INTS10: variants seen among roughly 807,000 people sequenced by gnomAD.
The protein encoded by INTS10 is integrator complex subunit 10, also known as chromosome 8 open reading frame 35.
In INTS10, 44 loss-of-function variants were observed where a neutral mutation model predicts 94.4. The observed-to-expected ratio is 0.47, with a 90% CI of 0.37 to 0.60. The LOEUF (loss-of-function observed/expected upper bound fraction) is 0.60, where lower values mean the gene tolerates loss of function less well. Among genes scored for constraint, INTS10 ranks in the 20% least tolerant of loss-of-function variants. The pLI, the probability that INTS10 is intolerant of heterozygous loss-of-function variation, is 0.00. For missense variants in INTS10, 797 were observed against 868.7 expected (o/e 0.92, Z 1.04); for synonymous variants, 341 against 320.7 (o/e 1.06, Z -0.68).
In INTS10 at chr8:19,820,475, T is replaced by C. The variant is rs1164171677; in HGVS notation, c.398T>C (p.Leu133Pro). The C allele has an allele frequency of 6.2e-7, 1 of 1,612,826 alleles. No individual in the cohort carries two copies. Among genetic ancestry groups the C allele is most frequent in the South Asian group, 1.1e-5 (1 of 90,984 alleles). Residue 133 changes from leucine (L) to proline (P), a missense_variant, in exon 4 of 17, where the codon CTT (leucine) becomes CCT (proline). By Grantham distance (98) the Leu-to-Pro change is moderately conservative (BLOSUM62 -3). This residue lies in a region of INTS10 where 734 missense variants were observed against 787.8 expected (regional missense o/e 0.93). Coordinates refer to ENST00000397977, the MANE Select transcript of INTS10 (RefSeq NM_018142.4). ...FNTLERSEMLLLLLRRFPETV... is the reference protein window; with the variant it reads ...FNTLERSEMLPLLLRRFPETV... Reference sequence around the variant, plus strand: ...ACGTTAGAACGATCAGAAATGTTGCTTCTACTTTTGAGGCGCTTCCCTGAA... The same window carrying C: ...ACGTTAGAACGATCAGAAATGTTGCCTCTACTTTTGAGGCGCTTCCCTGAA...
In INTS10 at chr8:19,823,979, G is replaced by A; in HGVS notation, c.771G>A (p.Glu257=). The change falls in exon 7 of 17, where the codon GAG becomes GAA. Residue 257 remains glutamate, a synonymous_variant. Coordinates refer to ENST00000397977, the MANE Select transcript of INTS10 (RefSeq NM_018142.4). ...CATCCCAGATCGTGGACCCTTGGGA[G>A]AGGTTGTTTAAGATTTTGAATGTTG... ...EKSSQIVDPW[E]RLFKILNVVG... 1 of 1,613,764 alleles carries A rather than the reference G, an allele frequency of 6.2e-7. No individual in the cohort carries two copies. Among genetic ancestry groups the A allele is most frequent in the South Asian group, 1.1e-5 (1 of 91,028 alleles).
At position 19,832,127 on chromosome 8, in the gene INTS10, A is replaced by G. The variant is rs778088283; in HGVS notation, c.1377+17A>G. On this transcript the variant is annotated intron_variant, in intron 11 of 16. Transcript: ENST00000397977. ...ATCTATCAGGTAGAGTATTATACAT[A>G]TTTTAGGTACCTGTGTCTGTACAGC... The G allele has an allele frequency of 7.6e-7, 1 of 1,314,888 alleles. No individual in the cohort carries two copies. Among genetic ancestry groups the G allele is most frequent in the South Asian group, 1.2e-5 (1 of 85,046 alleles). 81.5% of individuals were successfully genotyped at this position (1,314,888 alleles called of 1,614,324 possible).
chr8:19,822,217 A>G, intron 4 of INTS10: 1 of 340,098 alleles, frequency 2.9e-6, no homozygotes, highest in Non-Finnish European at 5.3e-6. Flanking sequence ...TATGAAGAGA[A>G]TAACCAAGAC....
chr8:19,835,199 C>T (rs2067554685), intron 12 of INTS10, among the ~76,000 whole-genome samples: 5 of 152,168 alleles, frequency 3.3e-5, no homozygotes, highest in Admixed American at 3.3e-4. Flanking sequence ...TTTCTATTGT[C>T]ACCACCCTAA....
At chr8:19,844,505 T>G (rs1250150945) in intron 15 of INTS10, among the ~76,000 whole-genome samples, 2 of 152,180 alleles carry the variant, frequency 1.3e-5, no homozygotes, top group African/African-American at 4.8e-5. Context: ...ATGCCTCCAG[T>G]AATAGCCTAC....
At position 19,849,737 on chromosome 8, in the gene INTS10, A is replaced by C. The variant is rs1312144168; in HGVS notation, c.1977-1912A>C. Among the ~76,000 whole-genome samples the C allele has an allele frequency of 6.6e-6, 1 of 152,118 alleles. No homozygotes were observed. The highest frequency in any genetic ancestry group is 1.5e-5 in the Non-Finnish European group (1 of 68,028). ...TGTTTTTTCAGACCTTACCTTTCTG[A>C]ATTGAAAATATTTGATAGGCTAAAA... On this transcript the variant is annotated intron_variant, in intron 16 of 16. Transcript: ENST00000397977. The surrounding 1 kb of genome is among the most constrained non-coding windows in gnomAD (Gnocchi z 4.6).
intron 13 of INTS10, among the ~76,000 whole-genome samples, chr8:19,840,492 G>T (rs1049422681): frequency 1.3e-5 from 2 of 151,988 alleles, no homozygotes; most frequent in African/African-American, 4.8e-5. Context: ...AGTCAAAACA[G>T]GTTTTAAAAA....
At chr8:19,836,936 A>G in intron 12 of INTS10, 116 bp from the exon 13 acceptor site, 2 of 681,456 alleles carry the variant, frequency 2.9e-6, no homozygotes, top group Non-Finnish European at 5.3e-6. Flanking sequence ...GAGAGGTAGA[A>G]ATACAGACTT....
chr8:19,829,849 A>G (rs1317335651), intron 9 of INTS10, among the ~76,000 whole-genome samples: 1 of 152,016 alleles, frequency 6.6e-6, no homozygotes, highest in East Asian at 1.9e-4. Flanking sequence ...TGTATTTTTA[A>G]TAGAGACTGG....
intron 15 of INTS10, among the ~76,000 whole-genome samples, chr8:19,845,251 A>G (rs1034446900): frequency 1.3e-5 from 2 of 152,166 alleles, no homozygotes; most frequent in African/African-American, 4.8e-5. Context: ...TGAAGAAGTA[A>G]TCACTTGATT....
chr8:19,817,491 C>G lies in INTS10; in HGVS notation c.-47C>G, dbSNP rs1304206189. On this transcript the variant is annotated 5_prime_UTR_variant, in exon 1 of 17. Coordinates refer to ENST00000397977, the MANE Select transcript of INTS10 (RefSeq NM_018142.4). Reference sequence around the variant, plus strand: ...GCCGTGGCGGCTGAGAGTCCAGAGCCGGACGTTCCGGCCGCTTCGGGCTGG... The same window carrying G: ...GCCGTGGCGGCTGAGAGTCCAGAGCGGGACGTTCCGGCCGCTTCGGGCTGG... 3 of 1,583,654 alleles carry G rather than the reference C, an allele frequency of 1.9e-6. No individual in the cohort carries two copies. The highest frequency in any genetic ancestry group is 1.3e-5 in the African/African-American group (1 of 74,380).
rs1489761293 is a variant in INTS10 at position 19,817,567 on chromosome 8, G to C, written c.30G>C (p.Leu10=). Residue 10 remains leucine (L), a synonymous_variant, in exon 1 of 17, where the codon CTG becomes CTC. Transcript: ENST00000397977. MSAQGDCEF[L]VQRARELVPQ... is the part of the protein sequence containing the mutation. The stretch of plus-strand genomic sequence containing the variant: ...CTGCCCAGGGGGACTGCGAGTTCCT[G>C]GTGCAGCGAGCCCGGGAGTTGGTGC... The C allele has an allele frequency of 1.2e-6, 2 of 1,608,978 alleles. No homozygotes were observed. Among genetic ancestry groups the C allele is most frequent in the Non-Finnish European group, 1.7e-6 (2 of 1,178,440 alleles).
rs931576623 is a variant in INTS10 at position 19,824,824 on chromosome 8, T to C, written c.858T>C (p.His286=). The C allele has an allele frequency of 1.2e-6, 2 of 1,609,610 alleles. No individual in the cohort carries two copies. Among genetic ancestry groups the C allele is most frequent in the South Asian group, 1.1e-5 (1 of 90,472 alleles). ...TTAGAAGCTATGGAGATATTTTGCA[T>C]AGAATGAAGGATCTCTGCAGATACA... The part of the protein sequence containing the change: ...KGRRSYGDIL[H]RMKDLCRYMN... The change falls in exon 8 of 17, where the codon CAT becomes CAC. Residue 286 remains histidine, a synonymous_variant. Coordinates refer to ENST00000397977, the MANE Select transcript of INTS10 (RefSeq NM_018142.4).
rs778966729 is a variant in INTS10, at chr8:19,830,431, C to G, written c.1166C>G (p.Ala389Gly). ...AGTTCAGACGATGAAGACTGTTCGG[C>G]GAAAGGAAGAAATCGTCACATTGTA... ...TMSSDDEDCS[A>G]KGRNRHIVVN... is the part of the protein sequence containing the mutation. Residue 389 changes from alanine to glycine, a missense_variant, in exon 10 of 17, where the codon GCG becomes GGG. Coordinates refer to ENST00000397977, the MANE Select transcript of INTS10 (RefSeq NM_018142.4). 4 of 1,613,750 alleles carry G rather than the reference C, an allele frequency of 2.5e-6. No homozygotes were observed. Among genetic ancestry groups the G allele is most frequent in the East Asian group, 2.2e-5 (1 of 44,878 alleles).
In INTS10 at chr8:19,852,040, G is replaced by A; in HGVS notation, c.*235G>A. 9.0e-6 allele frequency: 3 copies of A among 335,120 alleles called. No homozygotes were observed. Among genetic ancestry groups the A allele is most frequent in the South Asian group, 1.1e-4 (1 of 9,512 alleles). 20.8% of individuals were successfully genotyped at this position (335,120 alleles called of 1,614,324 possible). ...TAAAACAAAAGTACCAATCTGTTTT[G>A]TAAATAAAAATCATCCTAAAATTTG... On this transcript the variant is annotated 3_prime_UTR_variant, in exon 17 of 17. Transcript: ENST00000397977.
rs376494887 is a variant in INTS10, at chr8:19,830,429, G to A, written c.1164G>A (p.Ser388=). The part of the protein sequence containing the change: ...KTMSSDDEDC[S]AKGRNRHIVV... ...AGAGTTCAGACGATGAAGACTGTTC[G>A]GCGAAAGGAAGAAATCGTCACATTG... is the stretch of plus-strand genomic sequence containing the variant. The change falls in exon 10 of 17, where the codon TCG becomes TCA. Residue 388 remains serine (S), a synonymous_variant. Transcript: ENST00000397977. 15 of 1,613,608 alleles carry A rather than the reference G, an allele frequency of 9.3e-6. 1 individual carries two copies. The highest frequency in any genetic ancestry group is 3.3e-5 in the South Asian group (3 of 91,018).
At chr8:19,822,690 G>A (rs141688199) in intron 5 of INTS10, among the ~76,000 whole-genome samples, 170 bp downstream of exon 5, 74 of 152,010 alleles carry the variant, frequency 4.9e-4, no homozygotes, top group African/African-American at 1.6e-3. Flanking sequence ...GGTGGCTCAC[G>A]CCTGTAATCC....
chr8:19,840,380 T>C (rs1315306739), intron 13 of INTS10, among the ~76,000 whole-genome samples: 1 of 152,216 alleles, frequency 6.6e-6, no homozygotes. Flanking sequence ...CAATGCAATT[T>C]CAAGCAAAAT....
chr8:19,848,308 C>G (rs1240387552), intron 16 of INTS10, among the ~76,000 whole-genome samples: 1 of 152,186 alleles, frequency 6.6e-6, no homozygotes, highest in African/African-American at 2.4e-5. Context: ...GCTGTGGCAT[C>G]TGGGATGCAA....
Sources: allele counts gnomAD v4.1 joint callset (sites outside exome capture counted in the v4.1 genomes callset), GRCh38; gene constraint gnomAD v4.1.1; regional missense constraint gnomAD v4.1.1; non-coding constraint Gnocchi (gnomAD v3.1); transcripts MANE v1.5; gene names NCBI Gene and HGNC (gene_info 2026-07-23, HGNC 2026-07-21).